Variants in DUXA observed in about 807,000 individuals in gnomAD.
The protein encoded by DUXA is double homeobox A, also known as double homeobox protein A.
Under a neutral mutation model 27.5 loss-of-function variants are expected in DUXA, and 25 were observed. That is an observed-to-expected ratio of 0.91 (90% confidence interval 0.66 to 1.27). DUXA has a LOEUF of 1.27. DUXA is among the 50% of genes most tolerant of loss of function. The pLI is 0.00. For synonymous variants in DUXA, 90 were observed against 80.5 expected (o/e 1.12, Z -0.63); for missense variants, 247 against 242.9 (o/e 1.02, Z -0.11).
At chr19:57,160,545 C>G in intron 2 of DUXA, 98 bp downstream of exon 2, 8 of 1,414,150 alleles carry the variant, frequency 5.7e-6, no homozygotes, top group Non-Finnish European at 6.7e-6. Flanking sequence ...TACTCCCTAC[C>G]AAGCCCTCAG....
At chr19:57,163,031 C>T (rs2087032473) in intron 1 of DUXA, among the ~76,000 whole-genome samples, 1 of 151,926 alleles carries the variant, frequency 6.6e-6, no homozygotes, top group Admixed American at 6.6e-5. Context: ...TCCTTGACCT[C>T]ATCATACGCG....
chr19:57,156,651 C>T (rs1360247072), intron 4 of DUXA, among the ~76,000 whole-genome samples: 1 of 152,244 alleles, frequency 6.6e-6, no homozygotes, highest in African/African-American at 2.4e-5. Context: ...AGACATGAGC[C>T]GCCGTAACTG....
At chr19:57,157,718 C>T (rs2086999313) in intron 4 of DUXA, among the ~76,000 whole-genome samples, 2 of 151,580 alleles carry the variant, frequency 1.3e-5, no homozygotes, top group African/African-American at 4.8e-5. Flanking sequence ...AGGCCGGGCA[C>T]GGTGGCTCAG....
At position 57,154,353 on chromosome 19, in the gene DUXA, A is replaced by G; in HGVS notation, c.*59T>C. 1 of 1,489,806 alleles carries G rather than the reference A, an allele frequency of 6.7e-7. No homozygotes were observed. The highest frequency in any genetic ancestry group is 9.3e-7 in the Non-Finnish European group (1 of 1,069,594). 92.3% of individuals were successfully genotyped at this position (1,489,806 alleles called of 1,614,324 possible). A position where few individuals can be genotyped will look rare whatever the true frequency, so the allele number is the denominator to read the frequency against. Reference sequence around the variant, plus strand: ...AGCAGAAGGATAGACTCCCAGGAAGACCGTGAGACAGATTTGGGGTCCAGT... The same window carrying G: ...AGCAGAAGGATAGACTCCCAGGAAGGCCGTGAGACAGATTTGGGGTCCAGT... On this transcript the variant is annotated 3_prime_UTR_variant, in exon 6 of 6. Transcript: ENST00000554048.
intron 1 of DUXA, among the ~76,000 whole-genome samples, chr19:57,162,796 G>T (rs1208225745): frequency 6.6e-5 from 10 of 152,006 alleles, no homozygotes; most frequent in Admixed American, 6.6e-5. Context: ...GACTGGTCTC[G>T]AACTCCTGAC....
chr19:57,154,665 G>A (rs1360751188), intron 5 of DUXA, among the ~76,000 whole-genome samples, 183 bp from the exon 6 acceptor site: 147 of 151,558 alleles, frequency 9.7e-4, no homozygotes, highest in East Asian at 3.9e-4. Context: ...CCGGGTTCAC[G>A]CCATGCTCCT....
chr19:57,164,605 A>G (rs2087042094), intron 1 of DUXA, among the ~76,000 whole-genome samples: 1 of 151,990 alleles, frequency 6.6e-6, no homozygotes, highest in African/African-American at 2.4e-5. Flanking sequence ...TAATTTTTTT[A>G]AAAAAGGCTA....
chr19:57,158,372 C>T lies in DUXA; in HGVS notation c.394G>A (p.Glu132Lys), dbSNP rs917619218. Residue 132 changes from glutamate to lysine, a missense_variant, in exon 4 of 6, where the codon GAA (glutamate) becomes AAA (lysine). Glu to Lys is a moderately conservative substitution (Grantham distance 56). Transcript: ENST00000554048. ...KNPYPGIDSREELAKEIGVPE... is the reference protein window; with the variant it reads ...KNPYPGIDSRKELAKEIGVPE... Reference sequence around the variant, plus strand: ...ACACCGATTTCTTTAGCAAGTTCTTCTCTGGAATCAATCCCAGGATATGGG... The same window carrying T: ...ACACCGATTTCTTTAGCAAGTTCTTTTCTGGAATCAATCCCAGGATATGGG... 2 of 1,612,714 alleles carry T rather than the reference C, an allele frequency of 1.2e-6. No individual in the cohort carries two copies. The highest frequency in any genetic ancestry group is 1.7e-6 in the Non-Finnish European group (2 of 1,179,982).
chr19:57,154,293 C>T lies in DUXA; in HGVS notation c.*119G>A. 1 of 946,040 alleles carries T rather than the reference C, an allele frequency of 1.1e-6. No individual in the cohort carries two copies. The highest frequency in any genetic ancestry group is 1.6e-6 in the Non-Finnish European group (1 of 616,900). The allele number at this position is 946,040 out of a possible 1,614,324, so 58.6% of individuals were successfully genotyped here. On this transcript the variant is annotated 3_prime_UTR_variant, in exon 6 of 6. Coordinates refer to ENST00000554048, the MANE Select transcript of DUXA (RefSeq NM_001012729.2). ...GTGACCCACCACATCTGGCCAAGTC[C>T]TTTACCATCTTCAGAAGGCTTAGCT...
intron 4 of DUXA, 91 bp downstream of exon 4, chr19:57,158,237 C>A (rs1430519520): frequency 5.5e-6 from 8 of 1,451,718 alleles, no homozygotes; most frequent in Non-Finnish European, 7.6e-6. Flanking sequence ...ATGTGCCCAG[C>A]ATGATGAGGA....
chr19:57,165,321 A>G (rs1042388971), intron 1 of DUXA, among the ~76,000 whole-genome samples: 1 of 97,948 alleles, frequency 1.0e-5, no homozygotes, highest in African/African-American at 3.6e-5. Flanking sequence ...AAAAAAAAAA[A>G]AAAATATATA....
rs1380503736 is a variant in DUXA, at chr19:57,165,320, A to ATATATATATATATAT, written c.25+2098_25+2099insATATATATATATATA. ...CATTTCTGGAGTAGGAAAAAAAAAA[A>ATATATATATATATAT]AAAAATATATATATATATATATATG... On this transcript the variant is annotated intron_variant, in intron 1 of 5. Coordinates refer to ENST00000554048, the MANE Select transcript of DUXA (RefSeq NM_001012729.2). Among the ~76,000 whole-genome samples the ATATATATATATATAT allele has an allele frequency of 4.1e-4, 40 of 96,596 alleles. No individual in the cohort carries two copies. The East Asian group carries it at 6.5e-3, about 16-fold the overall frequency. 63.4% of individuals were successfully genotyped at this position (96,596 alleles called of 152,430 possible).
At chr19:57,161,225 G>A (rs1162043247) in intron 1 of DUXA, among the ~76,000 whole-genome samples, 7 of 150,064 alleles carry the variant, frequency 4.7e-5, no homozygotes, top group Admixed American at 6.7e-5. Context: ...CTCAGGAGGT[G>A]GAGGCAGCAA....
At chr19:57,160,110 T>TA (rs980841850) in intron 2 of DUXA, among the ~76,000 whole-genome samples, 99 of 151,266 alleles carry the variant, frequency 6.5e-4, no homozygotes, top group Admixed American at 1.6e-3. Flanking sequence ...GTCTCAAAAT[T>TA]AAAAAAAATT....
intron 1 of DUXA, among the ~76,000 whole-genome samples, chr19:57,165,324 A>AAATATATATATATAC (rs1491567041): frequency 1.1e-5 from 1 of 89,286 alleles, no homozygotes; most frequent in Non-Finnish European, 2.3e-5. Flanking sequence ...AAAAAAAAAA[A>AAATATATATATATAC]ATATATATAT....
chr19:57,165,324 A>AATATATATATATATATATATATATAT (rs74179420), intron 1 of DUXA, among the ~76,000 whole-genome samples: 7 of 89,250 alleles, frequency 7.8e-5, no homozygotes, highest in Admixed American at 5.2e-4. Flanking sequence ...AAAAAAAAAA[A>AATATATATATATATATATATATATAT]ATATATATAT....
intron 1 of DUXA, 81 bp from the exon 2 acceptor site, chr19:57,160,878 T>C (rs749220625): frequency 2.1e-5 from 31 of 1,507,960 alleles, no homozygotes; most frequent in Non-Finnish European, 2.8e-5. Context: ...AGTCTCTCAC[T>C]TCCTCTTCCC....
At position 57,160,564 on chromosome 19, in the gene DUXA, T is replaced by A. The variant is rs542421023; in HGVS notation, c.180+79A>T. 2.6e-6 allele frequency: 4 copies of A among 1,527,074 alleles called. No homozygotes were observed. The East Asian group carries it at 9.0e-5, about 34-fold the overall frequency. 94.6% of individuals were successfully genotyped at this position (1,527,074 alleles called of 1,614,324 possible). On this transcript the variant is annotated intron_variant, in intron 2 of 5. Coordinates refer to ENST00000554048, the MANE Select transcript of DUXA (RefSeq NM_001012729.2). ...CCCTACCAAGCCCTCAGCACATGGG[T>A]ACATAGTATGGGCTCCGTTAATGGT...
chr19:57,164,341 C>T (rs1396866498), intron 1 of DUXA, among the ~76,000 whole-genome samples: 5 of 152,154 alleles, frequency 3.3e-5, no homozygotes, highest in South Asian at 2.1e-4. Flanking sequence ...TTTGGGAGGC[C>T]GAAGCAGGCA....
Sources: allele counts gnomAD v4.1 joint callset (sites outside exome capture counted in the v4.1 genomes callset), GRCh38; gene constraint gnomAD v4.1.1; transcripts MANE v1.5; gene names NCBI Gene and HGNC (gene_info 2026-07-23, HGNC 2026-07-21).